The following USP7 variants were observed in gnomAD, a reference collection of about 807,000 sequenced individuals.
USP7 encodes ubiquitin specific peptidase 7.
A neutral mutation model predicts 162.9 loss-of-function variants in USP7; 9 were observed. The observed-to-expected ratio is 0.06, with a 90% confidence interval of 0.03 to 0.10. USP7 has a LOEUF of 0.10. Among genes scored for constraint, USP7 ranks in the 10% least tolerant of loss-of-function variants. The probability of loss-of-function intolerance (pLI) is 1.00; values close to 1 mark genes in which losing one functional copy is unlikely to be tolerated. For synonymous variants in USP7, 562 were observed against 475.9 expected (o/e 1.18, Z -2.35); for missense variants, 715 against 1,373.7 (o/e 0.52, Z 7.58).
intron 15 of USP7, 40 bp from the exon 16 acceptor site, chr16:8,903,442 TG>T: frequency 6.3e-7 from 1 of 1,592,118 alleles, no homozygotes; most frequent in Non-Finnish European, 8.6e-7. Flanking sequence ...ACTTGACAAC[TG>T]ACAAAAAATG....
At chr16:8,958,965 C>G (rs911850110) in intron 1 of USP7, among the ~76,000 whole-genome samples, 8 of 152,224 alleles carry the variant, frequency 5.3e-5, no homozygotes, top group Non-Finnish European at 2.9e-5. Context: ...CTGCATAGCA[C>G]CCATCTTCGA....
intron 2 of USP7, among the ~76,000 whole-genome samples, chr16:8,927,622 G>C (rs534769317): frequency 6.6e-6 from 1 of 151,974 alleles, no homozygotes; most frequent in Non-Finnish European, 1.5e-5. Context: ...GATCACCTGA[G>C]GTCAGGTGTT....
chr16:8,958,726 C>A (rs1012451857), intron 1 of USP7, among the ~76,000 whole-genome samples: 4 of 152,214 alleles, frequency 2.6e-5, no homozygotes, highest in African/African-American at 9.7e-5. Context: ...CTAGCACTCA[C>A]GCAAGAATCA....
intron 1 of USP7, among the ~76,000 whole-genome samples, chr16:8,938,676 A>C (rs895444284): frequency 6.6e-6 from 1 of 150,380 alleles, no homozygotes; most frequent in African/African-American, 2.5e-5. Flanking sequence ...GCACCACTGC[A>C]CTCCAGCTTG....
At chr16:8,933,527 TAC>T (rs1421337238) in intron 1 of USP7, among the ~76,000 whole-genome samples, 1 of 152,190 alleles carries the variant, frequency 6.6e-6, no homozygotes, top group Non-Finnish European at 1.5e-5. Context: ...AACAGCAGGA[TAC>T]AGAAGAACCT....
intron 1 of USP7, among the ~76,000 whole-genome samples, chr16:8,959,386 A>T (rs913740397): frequency 6.6e-6 from 1 of 151,840 alleles, no homozygotes. Flanking sequence ...CCTTCTTCCT[A>T]TATTTACTAG....
chr16:8,939,796 T>A (rs1898948860), intron 1 of USP7, among the ~76,000 whole-genome samples: 3 of 152,164 alleles, frequency 2.0e-5, no homozygotes, highest in African/African-American at 7.2e-5. Context: ...TATCAACCAC[T>A]CCCCTAAAGA....
chr16:8,899,497 C>T, intron 22 of USP7, 107 bp downstream of exon 22: 1 of 1,409,936 alleles, frequency 7.1e-7, no homozygotes, highest in Non-Finnish European at 9.7e-7. Flanking sequence ...CGGGCATAGC[C>T]CCTTCTGAAC....
chr16:8,904,660 T>A (rs1435648983), intron 14 of USP7, 95 bp from the exon 15 acceptor site: 3 of 1,525,498 alleles, frequency 2.0e-6, no homozygotes, highest in Non-Finnish European at 2.6e-6. Context: ...AATAATCTAT[T>A]AGGCCGGCGT....
At chr16:8,948,991 A>G (rs933265846) in intron 1 of USP7, among the ~76,000 whole-genome samples, 3 of 152,146 alleles carry the variant, frequency 2.0e-5, no homozygotes, top group Admixed American at 1.3e-4. Flanking sequence ...TACACAGTCT[A>G]TGAAATGTCT....
At chr16:8,919,184 T>A in intron 5 of USP7, 45 bp from the exon 6 acceptor site, 1 of 1,587,086 alleles carries the variant, frequency 6.3e-7, no homozygotes, top group Non-Finnish European at 8.7e-7. Flanking sequence ...AGATACCCCA[T>A]TGCTCCTGCA....
intron 1 of USP7, among the ~76,000 whole-genome samples, chr16:8,943,550 C>T (rs118105617): frequency 0.046 from 6,959 of 151,828 alleles, 216 homozygotes; most frequent in Middle Eastern, 0.14. Context: ...GAAACACAAA[C>T]GACTAACCAA....
At chr16:8,917,838 G>A (rs1424896375) in intron 6 of USP7, among the ~76,000 whole-genome samples, 1 of 151,838 alleles carries the variant, frequency 6.6e-6, no homozygotes, top group Non-Finnish European at 1.5e-5. Context: ...CACCCAGGCT[G>A]GAATGCAGTG....
chr16:8,927,300 CAAAAAGAA>C (rs1307183433), intron 2 of USP7, among the ~76,000 whole-genome samples: 59 of 139,016 alleles, frequency 4.2e-4, no homozygotes, highest in African/African-American at 1.4e-3. Flanking sequence ...CCAGCCTGGC[CAAAAAGAA>C]AAAAAGAAAA....
At chr16:8,902,584 G>C in intron 16 of USP7, 102 bp from the exon 17 acceptor site, 1 of 950,812 alleles carries the variant, frequency 1.1e-6, no homozygotes, top group Admixed American at 2.7e-5. Flanking sequence ...TATATATATA[G>C]TCAATGTTAA....
At chr16:8,936,338 G>C (rs1898721401) in intron 1 of USP7, among the ~76,000 whole-genome samples, 1 of 152,004 alleles carries the variant, frequency 6.6e-6, no homozygotes, top group South Asian at 2.1e-4. Flanking sequence ...ACTCCCTCTG[G>C]GTTCTGCATG....
At chr16:8,956,638 C>G (rs909596835) in intron 1 of USP7, among the ~76,000 whole-genome samples, 1 of 152,098 alleles carries the variant, frequency 6.6e-6, no homozygotes, top group Non-Finnish European at 1.5e-5. Context: ...GTAGCGTGTG[C>G]CTGTAGTCCA....
chr16:8,951,338 G>GA (rs140228725), intron 1 of USP7, among the ~76,000 whole-genome samples: 2 of 152,290 alleles, frequency 1.3e-5, no homozygotes, highest in Non-Finnish European at 2.9e-5. Flanking sequence ...TGGTAGCCCT[G>GA]ACCCAGTTTT....
intron 3 of USP7, 62 bp from the exon 4 acceptor site, chr16:8,921,357 A>G: frequency 6.4e-7 from 1 of 1,573,948 alleles, no homozygotes; most frequent in Non-Finnish European, 8.7e-7. Flanking sequence ...TACATTTTTA[A>G]AGACAGTAAA....
Sources: gnomAD v4.1 joint callset for allele counts (sites outside exome capture counted in the v4.1 genomes callset) on GRCh38, gnomAD v4.1.1 for gene constraint, MANE v1.5 for transcripts, NCBI Gene and HGNC (gene_info 2026-07-23, HGNC 2026-07-21) for gene names.